GPLD1: variants seen among roughly 807,000 people sequenced by gnomAD.
GPLD1 encodes the protein glycosylphosphatidylinositol specific phospholipase D1, also known as phosphatidylinositol-glycan-specific phospholipase D.
In GPLD1, 84 loss-of-function variants were observed where a neutral mutation model predicts 112.6. That is an observed-to-expected ratio of 0.75 (90% CI 0.63 to 0.89). The LOEUF is 0.89. Among genes scored for constraint, GPLD1 ranks in the 40% least tolerant of loss-of-function variants. GPLD1 has a pLI of 0.00. For missense variants in GPLD1, 1,044 were observed against 1,051.5 expected, an observed-to-expected ratio of 0.99 and a Z score of 0.10; for synonymous variants, 386 against 403.8, an observed-to-expected ratio of 0.96 and a Z score of 0.53.
At chr6:24,494,823 G>C in intron 1 of GPLD1, 1 of 735,826 alleles carries the variant, frequency 1.4e-6, no homozygotes, top group Non-Finnish European at 1.9e-6. Flanking sequence ...GCGGTGCAGC[G>C]AGAAAGACGC....
intron 10 of GPLD1, among the ~76,000 whole-genome samples, chr6:24,465,630 A>AG (rs968704123): frequency 5.9e-4 from 90 of 152,236 alleles, no homozygotes; most frequent in African/African-American, 2.1e-3. Flanking sequence ...CCTCTGATCT[A>AG]GGGGTAGTGT....
intron 1 of GPLD1, among the ~76,000 whole-genome samples, chr6:24,486,769 G>T (rs898039848): frequency 6.6e-6 from 1 of 151,876 alleles, no homozygotes; most frequent in Non-Finnish European, 1.5e-5. Context: ...AGTGAGCCGA[G>T]ACCACGCCAC....
chr6:24,429,162 C>T (rs751849408), intron 24 of GPLD1, 44 bp from the exon 25 acceptor site: 2 of 1,229,960 alleles, frequency 1.6e-6, no homozygotes, highest in Non-Finnish European at 2.4e-6. Context: ...TTCATAACAT[C>T]TATTGAGTTC....
intron 3 of GPLD1, among the ~76,000 whole-genome samples, chr6:24,477,240 G>A (rs549179356): frequency 6.8e-6 from 1 of 147,488 alleles, no homozygotes; most frequent in African/African-American, 2.5e-5. Context: ...CAGACTGGAA[G>A]CAGAAAGTCC....
intron 5 of GPLD1, among the ~76,000 whole-genome samples, chr6:24,473,868 T>C (rs547267137): frequency 8.6e-5 from 13 of 151,844 alleles, no homozygotes; most frequent in African/African-American, 2.2e-4. Context: ...CTCACGCCTG[T>C]AATCCCAGCA....
At position 24,442,496 on chromosome 6, in the gene GPLD1, G is replaced by A. The variant is rs1351496637; in HGVS notation, c.2020+3050C>T. Among the ~76,000 whole-genome samples the A allele has an allele frequency of 2.2e-4, 28 of 124,570 alleles. 1 individual carries two copies. The highest frequency in any genetic ancestry group is 8.6e-4 in the African/African-American group (27 of 31,312). The allele number at this position is 124,570 out of a possible 152,430, so 81.7% of individuals were successfully genotyped here. The stretch of plus-strand genomic sequence containing the variant: ...ATTTCACTCTGTCACCCAGGCTGGA[G>A]TGCAGTGGCACAATCTCAGCTCACT... On this transcript the variant is annotated intron_variant, in intron 20 of 24. Transcript: ENST00000230036.
chr6:24,437,089 C>A, intron 21 of GPLD1, 24 bp downstream of exon 21: 1 of 1,607,554 alleles, frequency 6.2e-7, no homozygotes, highest in South Asian at 1.1e-5. Context: ...CAATTCTTGT[C>A]AAAGGGTCCT....
rs1561865665 is a variant in GPLD1 at position 24,495,099 on chromosome 6, TCCGGGCCTGCGCCCGGCCCGGCCC to T, written n.83_106del. ...CCGCGCCGGCGGCCTGGTCCCTGCCTCCGGGCCTGCGCCCGGCCCGGCCCAGCTCCGCTGCTACGCTGGGCGCCT... is the reference window on the plus strand; with the variant it reads ...CCGCGCCGGCGGCCTGGTCCCTGCCTAGCTCCGCTGCTACGCTGGGCGCCT... On this transcript the variant is annotated non_coding_transcript_exon_variant, in exon 1 of 11. Transcript: ENST00000474784. The T allele has an allele frequency of 9.1e-6, 12 of 1,318,134 alleles. No homozygotes were observed. The highest frequency in any genetic ancestry group is 9.6e-6 in the Non-Finnish European group (10 of 1,040,762). 81.7% of individuals were successfully genotyped at this position (1,318,134 alleles called of 1,614,324 possible). A position where few individuals can be genotyped will look rare whatever the true frequency, so the allele number is the denominator to read the frequency against.
intron 2 of GPLD1, among the ~76,000 whole-genome samples, chr6:24,480,593 A>G (rs1764169873): frequency 6.6e-6 from 1 of 152,250 alleles, no homozygotes; most frequent in Non-Finnish European, 1.5e-5. Context: ...ACATATGTGC[A>G]TATCAGTTTA....
rs780362054 is a variant in GPLD1, at chr6:24,460,299, T to TA, written c.987dup (p.Ser330Ter). On this transcript the variant is annotated frameshift_variant, in exon 12 of 25. Transcript: ENST00000230036. LOFTEE classifies it high-confidence loss of function. The stretch of plus-strand genomic sequence containing the variant: ...CTTACCGGGGTCCAGGAATTTACAC[T>TA]AAAGAACACTCCTCTTTCAGTATAG... The TA allele has an allele frequency of 8.1e-6, 13 of 1,613,608 alleles. No individual in the cohort carries two copies. Among genetic ancestry groups the TA allele is most frequent in the Admixed American group, 1.7e-5 (1 of 59,992 alleles).
chr6:24,459,559 C>T (rs892931167), intron 12 of GPLD1, among the ~76,000 whole-genome samples: 1 of 152,126 alleles, frequency 6.6e-6, no homozygotes, highest in African/African-American at 2.4e-5. Context: ...GCCCATTCTC[C>T]CTACTATCTA....
upstream of GPLD1, chr6:24,489,718 ACT>A (rs2127375123): frequency 1.3e-6 from 1 of 752,064 alleles, no homozygotes; most frequent in Non-Finnish European, 2.0e-6. Context: ...CAGCAAACAA[ACT>A]CTGTGCTCCT....
At chr6:24,429,553 TTTC>T (rs1310227327) in intron 24 of GPLD1, among the ~76,000 whole-genome samples, 3 of 152,166 alleles carry the variant, frequency 2.0e-5, no homozygotes, top group Admixed American at 1.3e-4. Context: ...TTTAAAACAT[TTTC>T]TTCTTTTTTG....
At chr6:24,432,247 T>TAAAAAAAAA (rs71002493) in intron 24 of GPLD1, among the ~76,000 whole-genome samples, 1 of 90,776 alleles carries the variant, frequency 1.1e-5, no homozygotes. Context: ...GACTCTGTCT[T>TAAAAAAAAA]AAAAAAAAAA....
chr6:24,474,200 CACACACAT>C lies in GPLD1; in HGVS notation c.442-541_442-534del, dbSNP rs746728702. The stretch of plus-strand genomic sequence containing the variant: ...ACACACACACACACACACACACACA[CACACACAT>C]ATATATGCAGCTGAGTTGGATACAT... On this transcript the variant is annotated intron_variant, in intron 5 of 24. Coordinates refer to ENST00000230036, the MANE Select transcript of GPLD1 (RefSeq NM_001503.4). 1.1e-3 allele frequency among the ~76,000 whole-genome samples: 132 copies of C among 115,344 alleles called. 2 individuals carry two copies. The highest frequency in any genetic ancestry group is 7.4e-3 in the South Asian group (24 of 3,228). The allele number at this position is 115,344 out of a possible 152,430, so 75.7% of individuals were successfully genotyped here.
At chr6:24,482,311 C>T (rs1032749859) in intron 2 of GPLD1, among the ~76,000 whole-genome samples, 3 of 151,592 alleles carry the variant, frequency 2.0e-5, no homozygotes, top group Non-Finnish European at 2.9e-5. Context: ...GACAGAATCT[C>T]GCTCTGTCAC....
At chr6:24,434,097 G>A (rs868658913) in intron 22 of GPLD1, among the ~76,000 whole-genome samples, 1 of 151,960 alleles carries the variant, frequency 6.6e-6, no homozygotes, top group Non-Finnish European at 1.5e-5. Context: ...TTGTTAGGTA[G>A]AAAGAAAAAT....
chr6:24,441,488 TCA>T (rs1326429618), intron 20 of GPLD1, among the ~76,000 whole-genome samples: 17 of 152,146 alleles, frequency 1.1e-4, no homozygotes, highest in African/African-American at 3.9e-4. Flanking sequence ...TGGAGGCCGG[TCA>T]CAGTTACGAC....
chr6:24,450,898 G>C (rs1034366191), intron 14 of GPLD1, among the ~76,000 whole-genome samples: 2 of 152,048 alleles, frequency 1.3e-5, no homozygotes, highest in African/African-American at 4.8e-5. Flanking sequence ...CTTGAACCTG[G>C]GAGGCAGAGG....
Sources: allele counts gnomAD v4.1 joint callset (sites outside exome capture counted in the v4.1 genomes callset), GRCh38; gene constraint gnomAD v4.1.1; transcripts MANE v1.5; gene names NCBI Gene and HGNC (gene_info 2026-07-23, HGNC 2026-07-21).